DDX60L: variants seen among roughly 807,000 people sequenced by gnomAD.
The protein encoded by DDX60L is DExD/H-box 60 like.
A neutral mutation model predicts 211.6 loss-of-function variants in DDX60L; 191 were observed. The observed-to-expected ratio is 0.90, with a 90% CI of 0.80 to 1.02. DDX60L has a LOEUF of 1.02. DDX60L is among the 50% of genes least tolerant of loss of function. The pLI, the probability that DDX60L is intolerant of heterozygous loss-of-function variation, is 0.00. For synonymous variants in DDX60L, 706 were observed against 694.1 expected (o/e 1.02, Z -0.27); for missense variants, 2,007 against 1,984.1 (o/e 1.01, Z -0.22).
chr4:168,403,192 T>C (rs1221590436), intron 25 of DDX60L, among the ~76,000 whole-genome samples: 1 of 152,268 alleles, frequency 6.6e-6, no homozygotes, highest in Non-Finnish European at 1.5e-5. Flanking sequence ...TCAGTCATAC[T>C]ACTCTTTAAT....
intron 14 of DDX60L, among the ~76,000 whole-genome samples, chr4:168,424,265 T>C (rs928318077): frequency 6.6e-6 from 1 of 152,190 alleles, no homozygotes; most frequent in Non-Finnish European, 1.5e-5. Flanking sequence ...AACCCTTCAA[T>C]TATTGAGGGC....
intron 24 of DDX60L, 41 bp from the exon 25 acceptor site, chr4:168,404,147 ATTTGTG>A: frequency 1.3e-5 from 16 of 1,199,416 alleles, no homozygotes; most frequent in Non-Finnish European, 1.8e-5. Flanking sequence ...AAAAAAAAGA[ATTTGTG>A]GAAACAGAAG....
intron 19 of DDX60L, among the ~76,000 whole-genome samples, chr4:168,417,772 A>C (rs1039759424): frequency 3.3e-5 from 5 of 152,244 alleles, no homozygotes; most frequent in African/African-American, 1.2e-4. Context: ...TCAATAATGC[A>C]AATTAAGACT....
At chr4:168,455,122 C>T (rs1052612032) in intron 7 of DDX60L, among the ~76,000 whole-genome samples, 23 of 151,892 alleles carry the variant, frequency 1.5e-4, no homozygotes, top group Admixed American at 6.6e-5. Context: ...ACAATTTTCT[C>T]CTATAGAATA....
chr4:168,422,477 T>G, intron 16 of DDX60L, 47 bp downstream of exon 16: 1 of 1,555,646 alleles, frequency 6.4e-7, no homozygotes, highest in Non-Finnish European at 8.7e-7. Context: ...TAATGAAAAG[T>G]TCTGAAGTCA....
At chr4:168,388,872 G>T (rs1744335314) in intron 29 of DDX60L, among the ~76,000 whole-genome samples, 1 of 152,164 alleles carries the variant, frequency 6.6e-6, no homozygotes, top group South Asian at 2.1e-4. Flanking sequence ...ACATGGTGGT[G>T]AAGAGGCCCA....
Position 168,361,163 on chromosome 4 carries a change from G to A in DDX60L, c.4977C>T (p.Asn1659=), listed in dbSNP as rs1435709090. Residue 1659 remains asparagine, a synonymous_variant, in exon 37 of 38, where the codon AAC becomes AAT. Transcript: ENST00000682922. ...LLKCLKDFAF[N]IQAISDSLSE... ...ATGAAACATACCTGATAGCCTGAATGTTGAATGCAAAATCTTTCAAACACT... is the reference window on the plus strand; with the variant it reads ...ATGAAACATACCTGATAGCCTGAATATTGAATGCAAAATCTTTCAAACACT... 2.5e-6 allele frequency: 4 copies of A among 1,607,664 alleles called. No homozygotes were observed. Among genetic ancestry groups the A allele is most frequent in the Admixed American group, 3.3e-5 (2 of 59,704 alleles).
chr4:168,457,805 TG>T, intron 6 of DDX60L, 86 bp downstream of exon 6: 1 of 703,484 alleles, frequency 1.4e-6, no homozygotes, highest in Non-Finnish European at 2.3e-6. Context: ...CCCTTTAGTC[TG>T]GTCTAAGGAC....
rs546638922 is a variant in DDX60L at position 168,391,504 on chromosome 4, CT to C, written c.3915+35del. The C allele has an allele frequency of 1.5e-4, 203 of 1,347,500 alleles. 1 individual carries two copies. In the African/African-American group the frequency reaches 2.7e-3, roughly 18 times the overall value. 83.5% of individuals were successfully genotyped at this position (1,347,500 alleles called of 1,614,324 possible). A position where few individuals can be genotyped will look rare whatever the true frequency, so the allele number is the denominator to read the frequency against. ...ACATGGTTCATTATTTCAAACTCAGCTTTCAGCAATGGGAGTTAAAGAGTCA... is the reference window on the plus strand; with the variant it reads ...ACATGGTTCATTATTTCAAACTCAGCTTCAGCAATGGGAGTTAAAGAGTCA... On this transcript the variant is annotated intron_variant, in intron 29 of 37. Transcript: ENST00000682922.
chr4:168,413,902 A>T lies in DDX60L; in HGVS notation c.2979+1506T>A, dbSNP rs558224027. Among the ~76,000 whole-genome samples the T allele has an allele frequency of 5.3e-3, 809 of 152,284 alleles. 3 individuals are homozygous for T. The highest frequency in any genetic ancestry group is 8.7e-3 in the Non-Finnish European group (590 of 68,018). On this transcript the variant is annotated intron_variant, in intron 22 of 37. Transcript: ENST00000682922. ...CAAGAAGATATAGAACACCAAGCAG[A>T]TTTAACCCAAAGAAGACTATCTCAA... is the stretch of plus-strand genomic sequence containing the variant.
At chr4:168,456,817 T>C (rs1408535275) in intron 6 of DDX60L, among the ~76,000 whole-genome samples, 2 of 152,202 alleles carry the variant, frequency 1.3e-5, no homozygotes, top group Non-Finnish European at 2.9e-5. Flanking sequence ...TTTAAGTGTC[T>C]AGCATTAAGA....
chr4:168,400,761 G>A, intron 26 of DDX60L, 65 bp downstream of exon 26: 3 of 1,365,090 alleles, frequency 2.2e-6, no homozygotes, highest in Non-Finnish European at 1.0e-6. Context: ...AAACATTTCT[G>A]ACAGTGTCTT....
At position 168,415,583 on chromosome 4, in the gene DDX60L, C is replaced by T. The variant is rs1749416721; in HGVS notation, c.2870-66G>A. 5 of 1,419,992 alleles carry T rather than the reference C, an allele frequency of 3.5e-6. No homozygotes were observed. In the East Asian group the frequency reaches 1.2e-4, roughly 35 times the overall value. 88.0% of individuals were successfully genotyped at this position (1,419,992 alleles called of 1,614,324 possible). On this transcript the variant is annotated intron_variant, in intron 21 of 37. Transcript: ENST00000682922. Reference sequence around the variant, plus strand: ...CGATTATTAGAATATGGATTTAAAACACAAAAATCCCTATAAAAAGCTTTG... The same window carrying T: ...CGATTATTAGAATATGGATTTAAAATACAAAAATCCCTATAAAAAGCTTTG...
At position 168,453,173 on chromosome 4, in the gene DDX60L, C is replaced by T. The variant is rs577892658; in HGVS notation, c.947G>A (p.Arg316Gln). 6 of 1,613,010 alleles carry T rather than the reference C, an allele frequency of 3.7e-6. No homozygotes were observed. The highest frequency in any genetic ancestry group is 1.1e-5 in the South Asian group (1 of 90,990). Residue 316 changes from arginine (R) to glutamine (Q), a missense_variant, in exon 8 of 38, where the codon CGA (arginine) becomes CAA (glutamine). Coordinates refer to ENST00000682922, the MANE Select transcript of DDX60L (RefSeq NM_001012967.3). ...CCTAATCCAAGAGCATGTGATGACT[C>T]GAGAACAAGCTCTCTGAGAAAGGGG... ...HLPLSQRACS[R>Q]VITCSWIRNS... is the part of the protein sequence containing the mutation.
chr4:168,404,144 A>G (rs751579716), intron 24 of DDX60L, 38 bp from the exon 25 acceptor site: 202 of 1,152,014 alleles, frequency 1.8e-4, no homozygotes, highest in South Asian at 3.5e-4. Flanking sequence ...AAAAAAAAAA[A>G]GAATTTGTGG....
intron 29 of DDX60L, chr4:168,390,239 A>T (rs1186535731): frequency 2.8e-6 from 3 of 1,054,098 alleles, no homozygotes; most frequent in Non-Finnish European, 3.4e-6. Flanking sequence ...GATTTTGGCA[A>T]GGAAGAGAAA....
intron 29 of DDX60L, among the ~76,000 whole-genome samples, chr4:168,385,545 G>T (rs1382829245): frequency 6.6e-6 from 1 of 152,160 alleles, no homozygotes; most frequent in Admixed American, 6.5e-5. Flanking sequence ...TTGGTCATAA[G>T]TTCCAGAGGA....
chr4:168,449,795 T>C (rs1465494099), intron 8 of DDX60L, among the ~76,000 whole-genome samples: 1 of 100,370 alleles, frequency 1.0e-5, no homozygotes, highest in African/African-American at 3.8e-5. Flanking sequence ...AATAAACATG[T>C]GGGTAAAAAT....
intron 1 of DDX60L, among the ~76,000 whole-genome samples, chr4:168,475,187 G>A (rs999749735): frequency 5.3e-5 from 8 of 152,062 alleles, no homozygotes; most frequent in African/African-American, 1.9e-4. Context: ...TCCTGTCTGC[G>A]AATTTGGAAT....
Sources: gnomAD v4.1 joint callset for allele counts (sites outside exome capture counted in the v4.1 genomes callset) on GRCh38, gnomAD v4.1.1 for gene constraint, MANE v1.5 for transcripts, NCBI Gene and HGNC (gene_info 2026-07-23, HGNC 2026-07-21) for gene names.